OSBPL10: variants seen among roughly 807,000 people sequenced by gnomAD.
OSBPL10 encodes oxysterol binding protein like 10.
Under a neutral mutation model 81.7 loss-of-function variants are expected in OSBPL10, and 49 were observed. The ratio of observed to expected loss-of-function variants is 0.60; its 90% CI spans 0.48 to 0.76. The LOEUF is 0.76. Ranked by LOEUF, OSBPL10 falls within the 30% of genes least tolerant of loss-of-function variation. The pLI is 0.00. For synonymous variants in OSBPL10, 419 were observed against 383.6 expected (o/e 1.09, Z -1.08); for missense variants, 923 against 987.8 (o/e 0.93, Z 0.88).
intron 2 of OSBPL10, among the ~76,000 whole-genome samples, chr3:32,034,360 G>A (rs938397404): frequency 6.6e-6 from 1 of 151,254 alleles, no homozygotes; most frequent in Non-Finnish European, 1.5e-5. Flanking sequence ...AGGATCACTT[G>A]AGTCTGGGAG....
chr3:31,991,948 C>T (rs905997005), intron 2 of OSBPL10, among the ~76,000 whole-genome samples: 3 of 151,712 alleles, frequency 2.0e-5, no homozygotes, highest in South Asian at 4.2e-4. Flanking sequence ...GAGTTTGAGA[C>T]CAGCCTGGTC....
chr3:31,690,228 A>C (rs1222599697), intron 7 of OSBPL10, among the ~76,000 whole-genome samples: 1 of 152,034 alleles, frequency 6.6e-6, no homozygotes, highest in Non-Finnish European at 1.5e-5. Context: ...AGTTCTCATG[A>C]GATCTGGTTG....
intron 7 of OSBPL10, among the ~76,000 whole-genome samples, chr3:31,684,492 C>T (rs944896636): frequency 6.6e-6 from 1 of 152,184 alleles, no homozygotes; most frequent in African/African-American, 2.4e-5. Flanking sequence ...CAGGCAAGAC[C>T]AAGTGGGCTG....
chr3:31,737,491 A>C (rs527811097), intron 5 of OSBPL10, among the ~76,000 whole-genome samples: 2 of 152,296 alleles, frequency 1.3e-5, no homozygotes, highest in Admixed American at 1.3e-4. Flanking sequence ...CAGAAGAAGA[A>C]AACAGGCTGA....
At chr3:31,960,016 A>G (rs554305089) in intron 1 of OSBPL10, 1 of 152,364 alleles carries the variant, frequency 6.6e-6, no homozygotes, top group East Asian at 1.9e-4. Context: ...AAAGTTGCCT[A>G]TCAGTGAAGA....
chr3:31,871,630 G>A (rs1429010205), intron 3 of OSBPL10, among the ~76,000 whole-genome samples: 2 of 152,208 alleles, frequency 1.3e-5, no homozygotes, highest in Non-Finnish European at 2.9e-5. Context: ...CAGCACTTTG[G>A]GAGGGCAAGG....
At chr3:31,892,156 G>A (rs1050064408) in intron 1 of OSBPL10, among the ~76,000 whole-genome samples, 19 of 151,968 alleles carry the variant, frequency 1.3e-4, no homozygotes, top group African/African-American at 4.1e-4. Context: ...TGGACTCGGG[G>A]AAGAGGAGAG....
At chr3:31,833,705 G>GCACACGCACA (rs1553631715) in intron 3 of OSBPL10, among the ~76,000 whole-genome samples, 77 of 138,038 alleles carry the variant, frequency 5.6e-4, no homozygotes, top group Non-Finnish European at 7.7e-4. Context: ...ACACGCACAC[G>GCACACGCACA]CACACACACA....
At chr3:31,688,964 C>T (rs1700870431) in intron 7 of OSBPL10, among the ~76,000 whole-genome samples, 1 of 152,156 alleles carries the variant, frequency 6.6e-6, no homozygotes, top group Non-Finnish European at 1.5e-5. Context: ...CAGGATGGGC[C>T]TTCAAAGGCT....
At chr3:31,742,792 T>C (rs2125686744) in intron 5 of OSBPL10, among the ~76,000 whole-genome samples, 1 of 152,220 alleles carries the variant, frequency 6.6e-6, no homozygotes, top group African/African-American at 2.4e-5. Context: ...CCTCCCACAC[T>C]TGAAACCCAC....
intron 5 of OSBPL10, among the ~76,000 whole-genome samples, chr3:31,747,500 A>C (rs1047941022): frequency 1.7e-4 from 26 of 151,486 alleles, no homozygotes; most frequent in Non-Finnish European, 2.5e-4. Context: ...AAAAAAAAAA[A>C]AAAAAAAAAA....
At chr3:31,925,526 GC>G (rs1575618497) in intron 1 of OSBPL10, among the ~76,000 whole-genome samples, 2 of 149,622 alleles carry the variant, frequency 1.3e-5, no homozygotes, top group East Asian at 2.0e-4. Context: ...TAATAATTAT[GC>G]TGGGGCCGGG....
intron 3 of OSBPL10, among the ~76,000 whole-genome samples, chr3:31,838,508 C>CAAA (rs60893746): frequency 3.1e-5 from 3 of 95,698 alleles, no homozygotes; most frequent in Non-Finnish European, 6.0e-5. Flanking sequence ...AAGACTCTGT[C>CAAA]AAAAAAAAAA....
At chr3:32,022,702 C>T (rs775380895) in intron 2 of OSBPL10, among the ~76,000 whole-genome samples, 12 of 151,862 alleles carry the variant, frequency 7.9e-5, no homozygotes, top group South Asian at 2.1e-4. Flanking sequence ...CACTTGAGCC[C>T]GGGAGGCAGA....
chr3:32,023,474 C>T (rs2125546787), intron 2 of OSBPL10, among the ~76,000 whole-genome samples: 1 of 152,262 alleles, frequency 6.6e-6, no homozygotes, highest in African/African-American at 2.4e-5. Flanking sequence ...TCAGGTATGC[C>T]TTTATTAGCG....
At chr3:31,795,086 C>T (rs1178169482) in intron 4 of OSBPL10, 1 of 181,340 alleles carries the variant, frequency 5.5e-6, no homozygotes, top group Non-Finnish European at 1.2e-5. Flanking sequence ...CATGGCCCAC[C>T]CTTTCATGAG....
rs539393542 is a variant in OSBPL10 at position 32,004,979 on chromosome 3, T to G, written n.298+41512A>C. ...CTTTGATGGACTTAATAAGTATCCT[T>G]GGATAGGATGGCATCTTTATAAAAT... On this transcript the variant is annotated intron_variant and non_coding_transcript_variant, in intron 2 of 3. Coordinates refer to the OSBPL10 transcript ENST00000479173. Among the ~76,000 whole-genome samples, 22 of 152,362 alleles carry G rather than the reference T, an allele frequency of 1.4e-4. No individual in the cohort carries two copies. In the South Asian group the frequency reaches 3.5e-3, roughly 24 times the overall value.
At chr3:31,964,380 C>T (rs771223958) in intron 1 of OSBPL10, among the ~76,000 whole-genome samples, 55 of 152,218 alleles carry the variant, frequency 3.6e-4, no homozygotes, top group Admixed American at 1.0e-3. Context: ...TAGTCTCAAA[C>T]TCCTGGCCTC....
At chr3:31,776,014 G>A (rs555264815) in intron 4 of OSBPL10, among the ~76,000 whole-genome samples, 16 of 152,216 alleles carry the variant, frequency 1.1e-4, no homozygotes, top group Admixed American at 6.5e-4. Flanking sequence ...ACAGAGGCAC[G>A]TGGGGTTGCA....
Sources: allele counts gnomAD v4.1 joint callset (sites outside exome capture counted in the v4.1 genomes callset), GRCh38; gene constraint gnomAD v4.1.1; transcripts MANE v1.5; gene names NCBI Gene and HGNC (gene_info 2026-07-23, HGNC 2026-07-21).